Variants in ATL2 observed in about 807,000 individuals in gnomAD.
ATL2 encodes atlastin-2.
A neutral mutation model predicts 73.9 loss-of-function variants in ATL2; 31 were observed. The ratio of observed to expected loss-of-function variants is 0.42; its 90% CI spans 0.32 to 0.57. ATL2 has a LOEUF of 0.57. ATL2 is among the 20% of genes least tolerant of loss of function. ATL2 has a pLI of 0.14. For missense variants in ATL2, 738 were observed against 702.6 expected (o/e 1.05, Z -0.57); for synonymous variants, 291 against 237.5 (o/e 1.23, Z -2.07).
Position 38,318,575 on chromosome 2 carries a change from GCA to G in ATL2, c.561_562del (p.Ala188AsnfsTer10). On this transcript the variant is annotated frameshift_variant, in exon 4 of 13. Transcript: ENST00000378954. LOFTEE classifies it high-confidence loss of function. ...CATAGTGCTCAGAGCAAACACCGTTGCACAGTCTTTGATAGTTGACTGGCTAT... is the reference window on the plus strand; with the variant it reads ...CATAGTGCTCAGAGCAAACACCGTTGCAGTCTTTGATAGTTGACTGGCTAT... The G allele has an allele frequency of 6.2e-7, 1 of 1,612,522 alleles. No individual in the cohort carries two copies. The highest frequency in any genetic ancestry group is 8.5e-7 in the Non-Finnish European group (1 of 1,179,596).
chr2:38,345,993 C>T (rs1669996427), intron 1 of ATL2, among the ~76,000 whole-genome samples: 1 of 152,192 alleles, frequency 6.6e-6, no homozygotes, highest in East Asian at 1.9e-4. Flanking sequence ...ACCAATCCAA[C>T]AGGAGAAGCT....
chr2:38,368,204 C>T (rs1671457982), intron 1 of ATL2, among the ~76,000 whole-genome samples: 1 of 150,890 alleles, frequency 6.6e-6, no homozygotes, highest in Non-Finnish European at 1.5e-5. Flanking sequence ...AAAGTGCTGG[C>T]ATTACAGGCG....
At chr2:38,357,996 C>T (rs536455695) in intron 1 of ATL2, among the ~76,000 whole-genome samples, 1 of 152,252 alleles carries the variant, frequency 6.6e-6, no homozygotes, top group East Asian at 1.9e-4. Context: ...GCTAGTCAAG[C>T]TTAACATGAA....
At chr2:38,300,489 ATAT>A (rs1667129577) in intron 9 of ATL2, 161 bp from the exon 10 acceptor site, 1 of 517,638 alleles carries the variant, frequency 1.9e-6, no homozygotes, top group Admixed American at 3.2e-5. Context: ...CCTATTCTCA[ATAT>A]TATTAAATTA....
At chr2:38,370,034 G>C (rs1218627932) in intron 1 of ATL2, among the ~76,000 whole-genome samples, 1 of 141,574 alleles carries the variant, frequency 7.1e-6, no homozygotes. Context: ...GGCGCCTGTA[G>C]TCCCAGGTAC....
intron 1 of ATL2, among the ~76,000 whole-genome samples, chr2:38,352,025 T>C (rs1446147752): frequency 3.6e-5 from 5 of 138,454 alleles, no homozygotes; most frequent in Admixed American, 1.4e-4. Flanking sequence ...GGCAGGAGAA[T>C]TGCTTGAACC....
intron 2 of ATL2, among the ~76,000 whole-genome samples, chr2:38,335,286 T>G (rs545710670): frequency 6.1e-4 from 91 of 150,036 alleles, no homozygotes; most frequent in African/African-American, 2.1e-3. Flanking sequence ...CACAAAGACT[T>G]TACAAAAATG....
chr2:38,298,171 A>C lies in ATL2; in HGVS notation c.1605T>G (p.Asp535Glu). Reference protein sequence around the residue: ...GEFREIGTVIDQIAETLWEQV... With the variant: ...GEFREIGTVIEQIAETLWEQV... Reference sequence around the variant, plus strand: ...GTTCCCATAGTGTTTCAGCAATCTGATCAATCACTGTTCCAATTTCTCTGA... The same window carrying C: ...GTTCCCATAGTGTTTCAGCAATCTGCTCAATCACTGTTCCAATTTCTCTGA... Residue 535 changes from aspartate (D) to glutamate (E), a missense_variant, in exon 12 of 13, where the codon GAT becomes GAG. Asp to Glu is a conservative substitution (Grantham distance 45). Coordinates refer to ENST00000378954, the MANE Select transcript of ATL2 (RefSeq NM_001135673.4). 1 of 1,613,688 alleles carries C rather than the reference A, an allele frequency of 6.2e-7. No individual in the cohort carries two copies. Among genetic ancestry groups the C allele is most frequent in the Middle Eastern group, 1.6e-4 (1 of 6,062 alleles).
intron 1 of ATL2, among the ~76,000 whole-genome samples, chr2:38,360,461 T>C (rs757079413): frequency 4.6e-5 from 7 of 152,074 alleles, no homozygotes; most frequent in South Asian, 4.2e-4. Context: ...AATTTAGTTT[T>C]TGTAGAGACC....
chr2:38,374,867 A>C (rs1215954598), intron 1 of ATL2, among the ~76,000 whole-genome samples: 4 of 152,262 alleles, frequency 2.6e-5, no homozygotes, highest in Admixed American at 2.6e-4. Flanking sequence ...ATACAGTCAC[A>C]GAAAAACGAA....
At chr2:38,370,482 A>AAAC (rs1671620438) in intron 1 of ATL2, among the ~76,000 whole-genome samples, 1 of 127,798 alleles carries the variant, frequency 7.8e-6, no homozygotes, top group Admixed American at 7.8e-5. Context: ...AAAAAAAAAA[A>AAAC]TCAACCCAGC....
chr2:38,366,097 G>GAA (rs376873019), intron 1 of ATL2, among the ~76,000 whole-genome samples: 11 of 102,170 alleles, frequency 1.1e-4, no homozygotes, highest in South Asian at 3.3e-4. Context: ...TGACTAATTT[G>GAA]AAAAAAAAAA....
At chr2:38,339,496 CTT>C (rs1206478439) in intron 2 of ATL2, among the ~76,000 whole-genome samples, 7 of 151,972 alleles carry the variant, frequency 4.6e-5, no homozygotes, top group Non-Finnish European at 8.8e-5. Context: ...TACAGGCTCT[CTT>C]TGTTATATTC....
intron 9 of ATL2, among the ~76,000 whole-genome samples, chr2:38,308,888 A>C (rs1667594551): frequency 6.6e-6 from 1 of 152,024 alleles, no homozygotes; most frequent in South Asian, 2.1e-4. Context: ...ACAACCTTCC[A>C]CAGCGGTCTT....
intron 2 of ATL2, among the ~76,000 whole-genome samples, chr2:38,325,693 CACCAGT>C (rs1209490424): frequency 1.5e-4 from 9 of 60,570 alleles, no homozygotes; most frequent in Admixed American, 7.4e-4. Context: ...CACACACACA[CACCAGT>C]ACACACACAC....
chr2:38,378,583 C>T (rs1672099442), upstream of ATL2, among the ~76,000 whole-genome samples: 1 of 152,196 alleles, frequency 6.6e-6, no homozygotes, highest in Admixed American at 6.5e-5. Context: ...ATCATTGTCA[C>T]ATAAATCTAG....
intron 1 of ATL2, among the ~76,000 whole-genome samples, chr2:38,345,232 A>G (rs1298042542): frequency 6.6e-6 from 1 of 152,198 alleles, no homozygotes; most frequent in Non-Finnish European, 1.5e-5. Flanking sequence ...CACTGTTTTC[A>G]ATGCAATCAA....
At chr2:38,345,818 G>T (rs962056894) in intron 1 of ATL2, among the ~76,000 whole-genome samples, 4 of 152,226 alleles carry the variant, frequency 2.6e-5, no homozygotes, top group African/African-American at 9.6e-5. Context: ...CTCGATGCAT[G>T]TCACTTAACT....
chr2:38,297,767 A>C (rs1450818677), intron 12 of ATL2, among the ~76,000 whole-genome samples: 2 of 152,088 alleles, frequency 1.3e-5, no homozygotes, highest in Non-Finnish European at 2.9e-5. Flanking sequence ...ATTAGGAAGA[A>C]ACTTCTTTTG....
Sources: allele counts gnomAD v4.1 joint callset (sites outside exome capture counted in the v4.1 genomes callset), GRCh38; gene constraint gnomAD v4.1.1; transcripts MANE v1.5; gene names NCBI Gene and HGNC (gene_info 2026-07-23, HGNC 2026-07-21).